The following PCDH15 variants were observed in gnomAD, a reference collection of about 807,000 sequenced individuals.
PCDH15 encodes the protein protocadherin-15.
Under a neutral mutation model 178.5 loss-of-function variants are expected in PCDH15, and 129 were observed. The observed-to-expected ratio is 0.72, with a 90% CI of 0.63 to 0.84. The LOEUF is 0.84. PCDH15 is among the 40% of genes least tolerant of loss of function. PCDH15 has a pLI of 0.00. For missense variants in PCDH15, 2,230 were observed against 2,099.9 expected (o/e 1.06, Z -1.21); for synonymous variants, 800 against 732.0 (o/e 1.09, Z -1.50).
intron 1 of PCDH15, among the ~76,000 whole-genome samples, chr10:54,694,980 G>C (rs1395874727): frequency 1.3e-5 from 2 of 151,504 alleles, no homozygotes; most frequent in African/African-American, 4.9e-5. Flanking sequence ...AAAAGTTCTT[G>C]AGGGAAACTC....
At chr10:54,251,194 T>A (rs974429737) in intron 8 of PCDH15, among the ~76,000 whole-genome samples, 4 of 152,310 alleles carry the variant, frequency 2.6e-5, no homozygotes, top group African/African-American at 9.6e-5. Context: ...GCTTTCTTTA[T>A]GCTTTCTTCT....
At chr10:55,310,149 TTG>T (rs1203625079) in intron 1 of PCDH15, among the ~76,000 whole-genome samples, 6 of 152,304 alleles carry the variant, frequency 3.9e-5, no homozygotes, top group Admixed American at 6.5e-5. Context: ...AAACACTTAT[TTG>T]TTTTTTTATC....
intron 2 of PCDH15, among the ~76,000 whole-genome samples, chr10:55,088,111 T>G (rs780741616): frequency 6.6e-6 from 1 of 152,252 alleles, no homozygotes; most frequent in East Asian, 1.9e-4. Context: ...ACACATAAAC[T>G]ACTCTTGTGT....
chr10:54,712,325 T>G (rs768761348), intron 1 of PCDH15, among the ~76,000 whole-genome samples: 1 of 151,880 alleles, frequency 6.6e-6, no homozygotes, highest in African/African-American at 2.4e-5. Flanking sequence ...TTCATTGTTT[T>G]AAGCATTAAT....
At chr10:54,638,784 C>T (rs1363264457) in intron 2 of PCDH15, among the ~76,000 whole-genome samples, 1 of 152,090 alleles carries the variant, frequency 6.6e-6, no homozygotes, top group Admixed American at 6.6e-5. Flanking sequence ...TGGAATCAAT[C>T]TAAGTGTCCA....
At chr10:54,415,166 A>T (rs1589280751) in intron 3 of PCDH15, among the ~76,000 whole-genome samples, 1 of 152,216 alleles carries the variant, frequency 6.6e-6, no homozygotes, top group South Asian at 2.1e-4. Context: ...ACATTGTGGT[A>T]TATGTTTAAA....
At chr10:53,888,291 C>T (rs11003911) in intron 26 of PCDH15, among the ~76,000 whole-genome samples, 19,952 of 47,210 alleles carry the variant, frequency 0.42, 3,684 homozygotes, top group East Asian at 0.64. Flanking sequence ...ACTATATATA[C>T]ATATATATAT....
At chr10:53,947,581 G>A (rs2086679614) in intron 23 of PCDH15, among the ~76,000 whole-genome samples, 3 of 151,698 alleles carry the variant, frequency 2.0e-5, no homozygotes, top group Non-Finnish European at 1.5e-5. Context: ...CTAGAACTCC[G>A]ATTATTTATA....
At chr10:55,316,510 T>A (rs950590785) in intron 1 of PCDH15, among the ~76,000 whole-genome samples, 2 of 152,130 alleles carry the variant, frequency 1.3e-5, no homozygotes, top group African/African-American at 2.4e-5. Context: ...TATAAAATTA[T>A]CATTTCCTAT....
At chr10:54,572,786 G>C (rs2089999147) in intron 2 of PCDH15, among the ~76,000 whole-genome samples, 1 of 151,898 alleles carries the variant, frequency 6.6e-6, no homozygotes, top group African/African-American at 2.4e-5. Flanking sequence ...TCCCAAGGAA[G>C]AAAAAATAAG....
chr10:54,206,114 T>C (rs1391459361), intron 10 of PCDH15, among the ~76,000 whole-genome samples: 1 of 152,152 alleles, frequency 6.6e-6, no homozygotes, highest in Non-Finnish European at 1.5e-5. Context: ...CAAGTAAGAA[T>C]ATGCCCATTC....
intron 1 of PCDH15, among the ~76,000 whole-genome samples, chr10:54,780,145 C>T (rs1334208287): frequency 6.6e-6 from 1 of 152,118 alleles, no homozygotes; most frequent in Non-Finnish European, 1.5e-5. Context: ...TAAGACACTA[C>T]TTCGTGTGAG....
chr10:55,022,904 A>G (rs1352807932), intron 2 of PCDH15, among the ~76,000 whole-genome samples: 1 of 147,870 alleles, frequency 6.8e-6, no homozygotes, highest in Non-Finnish European at 1.5e-5. Flanking sequence ...AAGGCTCAGA[A>G]AAAACTTACT....
At chr10:54,669,617 G>A (rs2094625818) in intron 1 of PCDH15, among the ~76,000 whole-genome samples, 1 of 149,116 alleles carries the variant, frequency 6.7e-6, no homozygotes, top group Non-Finnish European at 1.5e-5. Context: ...AGTAACTAAT[G>A]TTTTTATAGG....
intron 22 of PCDH15, among the ~76,000 whole-genome samples, chr10:53,960,193 C>G (rs1046882501): frequency 2.6e-5 from 4 of 152,118 alleles, no homozygotes; most frequent in Admixed American, 6.6e-5. Context: ...CTGAAGCCCA[C>G]AGTAAATACA....
At chr10:55,592,314 GAAGA>G (rs945732268) in intron 2 of PCDH15, among the ~76,000 whole-genome samples, 4 of 152,228 alleles carry the variant, frequency 2.6e-5, no homozygotes, top group Admixed American at 2.0e-4. Flanking sequence ...GTGACTGGAG[GAAGA>G]GAGAAGAACA....
At chr10:55,419,426 T>G (rs1838564902) in intron 2 of PCDH15, among the ~76,000 whole-genome samples, 1 of 151,778 alleles carries the variant, frequency 6.6e-6, no homozygotes. Flanking sequence ...CTAGGTGATG[T>G]GAACTGTAAC....
intron 2 of PCDH15, among the ~76,000 whole-genome samples, chr10:55,116,871 T>C (rs1300511802): frequency 6.6e-6 from 1 of 152,092 alleles, no homozygotes; most frequent in Non-Finnish European, 1.5e-5. Flanking sequence ...ACTTTCCACA[T>C]AATGAGAGAA....
chr10:54,163,890 C>T (rs2045954490), intron 13 of PCDH15, among the ~76,000 whole-genome samples: 2 of 152,102 alleles, frequency 1.3e-5, no homozygotes, highest in African/African-American at 4.8e-5. Context: ...AGGGACATAT[C>T]TCTGGGAACT....
Sources: gnomAD v4.1 joint callset for allele counts (sites outside exome capture counted in the v4.1 genomes callset) on GRCh38, gnomAD v4.1.1 for gene constraint, MANE v1.5 for transcripts, NCBI Gene and HGNC (gene_info 2026-07-23, HGNC 2026-07-21) for gene names.